The following TTLL5 variants were observed in gnomAD, a reference collection of about 807,000 sequenced individuals.
TTLL5 encodes tubulin tyrosine ligase like 5.
A neutral mutation model predicts 168.4 loss-of-function variants in TTLL5; 132 were observed. That is an observed-to-expected ratio of 0.78 (90% CI 0.68 to 0.91). TTLL5 has a LOEUF of 0.91. TTLL5 is among the 40% of genes least tolerant of loss of function. TTLL5 has a pLI of 0.00. For missense variants in TTLL5, 1,545 were observed against 1,581.5 expected (o/e 0.98, Z 0.39); for synonymous variants, 546 against 558.6 (o/e 0.98, Z 0.32).
intron 7 of TTLL5, among the ~76,000 whole-genome samples, chr14:75,699,689 G>A (rs926000084): frequency 3.9e-5 from 6 of 152,198 alleles, no homozygotes; most frequent in African/African-American, 1.4e-4. Flanking sequence ...TGGTATCCTC[G>A]CTACTGCTGC....
intron 9 of TTLL5, chr14:75,711,193 A>G (rs1887051870): frequency 6.6e-6 from 1 of 152,204 alleles, no homozygotes; most frequent in African/African-American, 2.4e-5. Flanking sequence ...ATAGTATTGA[A>G]GAAGTGTTGC....
At chr14:75,782,175 T>TTAG (rs1892098915) in intron 24 of TTLL5, among the ~76,000 whole-genome samples, 2 of 151,692 alleles carry the variant, frequency 1.3e-5, no homozygotes, top group Non-Finnish European at 2.9e-5. Flanking sequence ...CTGACTGCCC[T>TTAG]TATTATTATT....
At chr14:75,773,952 AG>A (rs1566598107) in intron 21 of TTLL5, among the ~76,000 whole-genome samples, 57 of 39,140 alleles carry the variant, frequency 1.5e-3, no homozygotes, top group African/African-American at 2.9e-3. Context: ...AGAGAGAGAG[AG>A]AGAAAGAGAG....
In TTLL5 at chr14:75,690,255, T is replaced by C; in HGVS notation, c.435T>C (p.His145=). The part of the protein sequence containing the change: ...YKNIIRMQHT[H]GFKAFHILPQ... ...ACATTATTCGAATGCAGCATACACA[T>C]GGATTCAAGGCTTTTCACATCCTCC... The change falls in exon 6 of 32, where the codon CAT becomes CAC. Residue 145 remains histidine (H), a synonymous_variant. Coordinates refer to ENST00000298832, the MANE Select transcript of TTLL5 (RefSeq NM_015072.5). The C allele has an allele frequency of 6.2e-7, 1 of 1,612,570 alleles. No individual in the cohort carries two copies.
chr14:75,841,746 AT>A (rs1186179673), intron 28 of TTLL5, among the ~76,000 whole-genome samples: 2 of 152,310 alleles, frequency 1.3e-5, no homozygotes, highest in African/African-American at 4.8e-5. Context: ...CTTAAAAAAA[AT>A]AGTTGTACAA....
intron 27 of TTLL5, among the ~76,000 whole-genome samples, chr14:75,806,815 G>A (rs1416831298): frequency 1.3e-5 from 2 of 152,120 alleles, no homozygotes; most frequent in Admixed American, 6.5e-5. Flanking sequence ...ATTGGATCAT[G>A]TCCATTTTTT....
intron 28 of TTLL5, among the ~76,000 whole-genome samples, chr14:75,841,361 C>G (rs1037209186): frequency 2.0e-5 from 3 of 152,256 alleles, no homozygotes; most frequent in African/African-American, 7.2e-5. Context: ...CACATACCCA[C>G]AGCATTCTTT....
intron 28 of TTLL5, among the ~76,000 whole-genome samples, chr14:75,832,761 G>A (rs963031270): frequency 1.1e-4 from 16 of 152,174 alleles, no homozygotes; most frequent in African/African-American, 3.9e-4. Flanking sequence ...CACCAGTTTA[G>A]TCTCACGTTA....
intron 31 of TTLL5, 130 bp downstream of exon 31, chr14:75,902,354 G>A (rs1009034227): frequency 1.5e-5 from 14 of 935,740 alleles, no homozygotes; most frequent in Non-Finnish European, 2.1e-5. Context: ...TCAAAACATT[G>A]GCAAATGGGC....
At chr14:75,845,930 G>C (rs1031144855) in intron 28 of TTLL5, among the ~76,000 whole-genome samples, 1 of 152,134 alleles carries the variant, frequency 6.6e-6, no homozygotes, top group Admixed American at 6.5e-5. Context: ...TTTCTGAAAA[G>C]AAACTATCAC....
chr14:75,723,905 C>T (rs1888007039), intron 12 of TTLL5, among the ~76,000 whole-genome samples: 1 of 152,172 alleles, frequency 6.6e-6, no homozygotes, highest in African/African-American at 2.4e-5. Flanking sequence ...GCTTCATTAA[C>T]CTCATCCCAT....
intron 29 of TTLL5, among the ~76,000 whole-genome samples, chr14:75,872,030 A>G (rs956199923): frequency 6.6e-6 from 1 of 152,240 alleles, no homozygotes; most frequent in Non-Finnish European, 1.5e-5. Context: ...ATAATTTCTT[A>G]TAAGTACTAA....
intron 31 of TTLL5, among the ~76,000 whole-genome samples, chr14:75,948,111 C>T (rs1394130572): frequency 2.6e-5 from 4 of 152,084 alleles, no homozygotes; most frequent in African/African-American, 9.7e-5. Context: ...ACACTACATT[C>T]CTTGACCATA....
chr14:75,882,722 T>C lies in TTLL5; in HGVS notation c.3560T>C (p.Leu1187Ser), dbSNP rs137893855. Residue 1187 changes from leucine to serine, a missense_variant, in exon 30 of 32, where the codon TTA becomes TCA. Transcript: ENST00000298832. ...AGCCAGACACTACCTAACTCCAATT[T>C]ATGGACAATGAATAATGGTGCAGGT... ...FGSQTLPNSNLWTMNNGAGCR... is the reference protein window; with the variant it reads ...FGSQTLPNSNSWTMNNGAGCR... 8 of 1,613,918 alleles carry C rather than the reference T, an allele frequency of 5.0e-6. No individual in the cohort carries two copies. The highest frequency in any genetic ancestry group is 1.3e-5 in the African/African-American group (1 of 75,004).
At chr14:75,893,869 C>A in intron 30 of TTLL5, among the ~76,000 whole-genome samples, 1 of 136,376 alleles carries the variant, frequency 7.3e-6, no homozygotes. Flanking sequence ...TTGAGACATT[C>A]AAAGTCTAAG....
At chr14:75,806,671 G>C (rs1033352515) in intron 27 of TTLL5, among the ~76,000 whole-genome samples, 8 of 152,318 alleles carry the variant, frequency 5.3e-5, no homozygotes, top group African/African-American at 1.9e-4. Flanking sequence ...CACTAGGTAT[G>C]TCAAGATAGC....
intron 15 of TTLL5, among the ~76,000 whole-genome samples, chr14:75,739,638 A>T (rs1297463664): frequency 6.6e-6 from 1 of 152,182 alleles, no homozygotes; most frequent in Non-Finnish European, 1.5e-5. Flanking sequence ...AGTCCGATAG[A>T]CCTGGATTCA....
intron 20 of TTLL5, among the ~76,000 whole-genome samples, chr14:75,767,620 A>C (rs1338237407): frequency 1.3e-5 from 2 of 152,194 alleles, no homozygotes. Context: ...CATGGTAAGA[A>C]ATGAGACTAA....
intron 31 of TTLL5, among the ~76,000 whole-genome samples, chr14:75,944,278 A>G (rs981059188): frequency 6.6e-6 from 1 of 152,184 alleles, no homozygotes; most frequent in Non-Finnish European, 1.5e-5. Flanking sequence ...ACTCGAATAC[A>G]TTCCCTACTT....
Sources: allele counts gnomAD v4.1 joint callset (sites outside exome capture counted in the v4.1 genomes callset), GRCh38; gene constraint gnomAD v4.1.1; transcripts MANE v1.5; gene names NCBI Gene and HGNC (gene_info 2026-07-23, HGNC 2026-07-21).